ADAM19: variants seen among roughly 807,000 people sequenced by gnomAD.
ADAM19 encodes disintegrin and metalloproteinase domain-containing protein 19.
Under a neutral mutation model 114.7 loss-of-function variants are expected in ADAM19, and 65 were observed. The observed-to-expected ratio is 0.57, with a 90% CI of 0.46 to 0.70. The LOEUF (loss-of-function observed/expected upper bound fraction) is 0.70, where lower values mean the gene tolerates loss of function less well. ADAM19 is among the 30% of genes least tolerant of loss of function. ADAM19 has a pLI of 0.00. For synonymous variants in ADAM19, 466 were observed against 460.5 expected (o/e 1.01, Z -0.15); for missense variants, 1,063 against 1,204.7 (o/e 0.88, Z 1.74).
chr5:157,566,607 A>G (rs1757670341), intron 2 of ADAM19: 1 of 152,230 alleles, frequency 6.6e-6, no homozygotes, highest in Non-Finnish European at 1.5e-5. Flanking sequence ...TATTTTTTTA[A>G]AAAAGGATAT....
chr5:157,535,044 ATGTG>A (rs1561546970), intron 4 of ADAM19, among the ~76,000 whole-genome samples: 2 of 152,160 alleles, frequency 1.3e-5, no homozygotes. Flanking sequence ...CATCTGTAAA[ATGTG>A]GGGTTGGAAG....
At position 157,552,677 on chromosome 5, in the gene ADAM19, CAAAAAAAAAAAA is replaced by C. The variant is rs778402112; in HGVS notation, c.251+11684_251+11695del. ...CTGGGTGACAGAGCGGGACTCTACT[CAAAAAAAAAAAA>C]AAAAAAAAAAAAGGAAATCAGTATA... On this transcript the variant is annotated intron_variant, in intron 3 of 22. Transcript: ENST00000257527. Among the ~76,000 whole-genome samples, 3 of 59,388 alleles carry C rather than the reference CAAAAAAAAAAAA, an allele frequency of 5.1e-5. No individual in the cohort carries two copies. In the South Asian group the frequency reaches 1.8e-3, roughly 36 times the overall value. The allele number at this position is 59,388 out of a possible 152,430, so 39.0% of individuals were successfully genotyped here. A position where few individuals can be genotyped will look rare whatever the true frequency, so the allele number is the denominator to read the frequency against.
chr5:157,568,672 A>G lies in ADAM19; in HGVS notation c.180+2223T>C, dbSNP rs561693347. On this transcript the variant is annotated intron_variant, in intron 2 of 22. Transcript: ENST00000257527. ...CCTAAGATCTAGTATAATATTTAGT[A>G]TACAGTATAAGTATTCAGTTAATGT... The G allele has an allele frequency of 2.5e-4, 38 of 152,318 alleles. 1 individual carries two copies. The highest frequency in any genetic ancestry group is 7.8e-4 in the Admixed American group (12 of 15,302). The allele number at this position is 152,318 out of a possible 1,614,324, so 9.4% of individuals were successfully genotyped here.
intron 3 of ADAM19, among the ~76,000 whole-genome samples, chr5:157,557,128 G>C (rs570533050): frequency 6.6e-6 from 1 of 152,036 alleles, no homozygotes; most frequent in Non-Finnish European, 1.5e-5. Context: ...GGCTGGTCTC[G>C]AACTCCTGGG....
Position 157,496,944 on chromosome 5 carries a change from T to C in ADAM19, c.1544A>G (p.Asn515Ser). The C allele has an allele frequency of 1.3e-6, 2 of 1,597,942 alleles. No homozygotes were observed. Among genetic ancestry groups the C allele is most frequent in the Non-Finnish European group, 1.7e-6 (2 of 1,173,262 alleles). ...PCEGGQAYCYNGMCLTYQEQC... is the reference protein window; with the variant it reads ...PCEGGQAYCYSGMCLTYQEQC... ...CTCCTGGTAGGTGAGGCACATGCCG[T>C]TGTAGCAGTAGGCCTGGCCGCCCTC... The change falls in exon 14 of 23, where the codon AAC becomes AGC. Residue 515 changes from asparagine (N) to serine (S), a missense_variant. By Grantham distance (46) the Asn-to-Ser change is conservative. Around this residue, in one of 3 missense-constraint regions of ADAM19, gnomAD observed 615 missense variants for 706.3 expected, o/e 0.87. Transcript: ENST00000257527.
chr5:157,551,724 A>G (rs1378888093), intron 3 of ADAM19, among the ~76,000 whole-genome samples: 1 of 140,454 alleles, frequency 7.1e-6, no homozygotes, highest in East Asian at 2.0e-4. Context: ...ACTCTATAAG[A>G]AAAAAAAAAA....
chr5:157,482,849 A>G (rs574407326), intron 21 of ADAM19, among the ~76,000 whole-genome samples: 1 of 152,376 alleles, frequency 6.6e-6, no homozygotes, highest in East Asian at 1.9e-4. Flanking sequence ...AATGTGGCAC[A>G]TATACACCAT....
intron 3 of ADAM19, among the ~76,000 whole-genome samples, chr5:157,553,563 G>C (rs1306598751): frequency 6.6e-6 from 1 of 152,184 alleles, no homozygotes; most frequent in East Asian, 1.9e-4. Context: ...TGTGGAGTGA[G>C]AGGTACAACT....
At chr5:157,533,754 C>T (rs1053848245) in intron 4 of ADAM19, among the ~76,000 whole-genome samples, 3 of 151,866 alleles carry the variant, frequency 2.0e-5, no homozygotes, top group Non-Finnish European at 4.4e-5. Context: ...ATCATGAGGT[C>T]AAGAGATCTA....
intron 5 of ADAM19, among the ~76,000 whole-genome samples, chr5:157,520,493 T>C (rs1043811139): frequency 4.8e-4 from 73 of 152,142 alleles, no homozygotes; most frequent in African/African-American, 1.7e-3. Context: ...GGAAAAGCAG[T>C]ACAGTGGCCA....
chr5:157,517,890 G>A (rs920092882), intron 7 of ADAM19, among the ~76,000 whole-genome samples: 1 of 152,064 alleles, frequency 6.6e-6, no homozygotes, highest in African/African-American at 2.4e-5. Context: ...CAACCCAATC[G>A]CCCAGAGGTC....
intron 4 of ADAM19, among the ~76,000 whole-genome samples, chr5:157,532,335 A>G (rs1756648666): frequency 6.6e-6 from 1 of 152,242 alleles, no homozygotes; most frequent in African/African-American, 2.4e-5. Context: ...AGATATAATT[A>G]CAAACCAAAA....
intron 3 of ADAM19, among the ~76,000 whole-genome samples, chr5:157,541,529 C>T (rs977683038): frequency 6.6e-6 from 1 of 152,090 alleles, no homozygotes; most frequent in Non-Finnish European, 1.5e-5. Context: ...CATTTAGATT[C>T]CAAAGTCCCT....
rs117717484 is a variant in ADAM19, at chr5:157,573,710, C to T, written c.94+1893G>A. ...GCAGTGAGCCCAGATCGTGCCACTG[C>T]ATGCCAGCCTGGGCAACAGATAGAG... On this transcript the variant is annotated intron_variant, in intron 1 of 22. Transcript: ENST00000257527. Among the ~76,000 whole-genome samples the T allele has an allele frequency of 6.0e-4, 88 of 147,790 alleles. 2 individuals carry two copies. In the East Asian group the frequency reaches 0.013, roughly 22 times the overall value.
intron 3 of ADAM19, among the ~76,000 whole-genome samples, chr5:157,562,671 G>A (rs1757540361): frequency 6.6e-6 from 1 of 152,108 alleles, no homozygotes; most frequent in African/African-American, 2.4e-5. Flanking sequence ...TACTTGCTGG[G>A]TGGCCTCAGA....
At chr5:157,567,998 CAG>C (rs1311776329) in intron 2 of ADAM19, 4 of 149,094 alleles carry the variant, frequency 2.7e-5, no homozygotes, top group African/African-American at 9.9e-5. Flanking sequence ...TTTTTTTAAA[CAG>C]AGTCTCGCTC....
At chr5:157,494,103 C>A (rs1413525383) in intron 15 of ADAM19, among the ~76,000 whole-genome samples, 1 of 152,184 alleles carries the variant, frequency 6.6e-6, no homozygotes, top group African/African-American at 2.4e-5. Flanking sequence ...CATGGTAAAT[C>A]TTCAATAGAT....
intron 3 of ADAM19, among the ~76,000 whole-genome samples, chr5:157,554,545 T>C (rs1395672850): frequency 6.6e-6 from 1 of 152,200 alleles, no homozygotes; most frequent in Non-Finnish European, 1.5e-5. Flanking sequence ...GTTTTCGAGA[T>C]ACAATTAGGT....
chr5:157,547,967 G>T (rs1387610324), intron 3 of ADAM19, among the ~76,000 whole-genome samples: 1 of 152,134 alleles, frequency 6.6e-6, no homozygotes, highest in Non-Finnish European at 1.5e-5. Context: ...ACTCACCTCT[G>T]CCTGCCTCAC....
Sources: gnomAD v4.1 joint callset for allele counts (sites outside exome capture counted in the v4.1 genomes callset) on GRCh38, gnomAD v4.1.1 for gene constraint, gnomAD v4.1.1 regional missense constraint, MANE v1.5 for transcripts, NCBI Gene and HGNC (gene_info 2026-07-23, HGNC 2026-07-21) for gene names.